RHBDD1: variants seen among roughly 807,000 people sequenced by gnomAD.
RHBDD1 encodes the protein rhomboid-related protein 4.
Under a neutral mutation model 36.3 loss-of-function variants are expected in RHBDD1, and 38 were observed. The ratio of observed to expected loss-of-function variants is 1.05; its 90% CI spans 0.81 to 1.37. The LOEUF (loss-of-function observed/expected upper bound fraction) is 1.37. Ranked by LOEUF, RHBDD1 falls within the 40% of genes most tolerant of loss-of-function variation. The probability of loss-of-function intolerance (pLI) is 0.00; values close to 1 mark genes in which losing one functional copy is unlikely to be tolerated. For synonymous variants in RHBDD1, 151 were observed against 136.5 expected (o/e 1.11, Z -0.74); for missense variants, 393 against 377.6 (o/e 1.04, Z -0.34).
chr2:226,813,596 C>A, the RHBDD1 span, among the ~76,000 whole-genome samples: 5 of 152,212 alleles, frequency 3.3e-5, no homozygotes, highest in Admixed American at 2.6e-4. Context: ...TTCCTTCACT[C>A]CGCTCTGTCA....
At chr2:226,958,961 C>T (rs527799484) in intron 8 of RHBDD1, among the ~76,000 whole-genome samples, 3 of 152,184 alleles carry the variant, frequency 2.0e-5, no homozygotes, top group Non-Finnish European at 2.9e-5. Context: ...CTCTGGTTAG[C>T]GCGATAAACC....
At chr2:226,969,339 G>A (rs1461160018) in intron 8 of RHBDD1, among the ~76,000 whole-genome samples, 1 of 147,730 alleles carries the variant, frequency 6.8e-6, no homozygotes, top group Non-Finnish European at 1.5e-5. Flanking sequence ...ATAAGTCTGT[G>A]CCCAACTGTC....
chr2:226,835,083 G>A (rs1293514785), upstream of RHBDD1, among the ~76,000 whole-genome samples: 9 of 151,980 alleles, frequency 5.9e-5, no homozygotes, highest in Non-Finnish European at 2.9e-5. Flanking sequence ...GCCTGTTGTT[G>A]TTTTTTAAAT....
chr2:226,913,853 C>G (rs753290035), intron 7 of RHBDD1, among the ~76,000 whole-genome samples: 1 of 152,176 alleles, frequency 6.6e-6, no homozygotes, highest in Admixed American at 6.5e-5. Context: ...TCTCTTGACT[C>G]AAGCCAGGAC....
At chr2:226,813,045 C>A in the RHBDD1 span, among the ~76,000 whole-genome samples, 214 of 152,300 alleles carry the variant, frequency 1.4e-3, 5 homozygotes, top group African/African-American at 5.1e-3. Context: ...CATCCTCTGG[C>A]TCCAAAGCCC....
intron 8 of RHBDD1, among the ~76,000 whole-genome samples, chr2:226,982,902 A>C (rs1168116435): frequency 6.6e-6 from 1 of 152,210 alleles, no homozygotes; most frequent in African/African-American, 2.4e-5. Flanking sequence ...ATAGAATTTT[A>C]ACTAACGATT....
intron 8 of RHBDD1, among the ~76,000 whole-genome samples, chr2:226,972,041 G>A (rs186015944): frequency 6.6e-5 from 10 of 151,896 alleles, no homozygotes; most frequent in African/African-American, 2.2e-4. Context: ...TAAGCCCCAC[G>A]TGCATTAGGT....
intron 5 of RHBDD1, among the ~76,000 whole-genome samples, chr2:226,895,082 G>A (rs538885283): frequency 6.6e-6 from 1 of 152,316 alleles, no homozygotes; most frequent in East Asian, 1.9e-4. Flanking sequence ...TCCATGAAGA[G>A]CCTAACAAAT....
chr2:226,804,722 T>G, the RHBDD1 span: 1 of 152,186 alleles, frequency 6.6e-6, no homozygotes, highest in Non-Finnish European at 1.5e-5. Context: ...AAGCATGAAA[T>G]AAACAGGTGG....
At chr2:226,879,622 A>G (rs1366660636) in intron 5 of RHBDD1, among the ~76,000 whole-genome samples, 2 of 152,240 alleles carry the variant, frequency 1.3e-5, no homozygotes, top group East Asian at 3.8e-4. Flanking sequence ...AAAATTTAAT[A>G]CATTTTCCCA....
At chr2:226,870,015 GT>G (rs1396157825) in intron 5 of RHBDD1, among the ~76,000 whole-genome samples, 1 of 152,184 alleles carries the variant, frequency 6.6e-6, no homozygotes, top group Non-Finnish European at 1.5e-5. Context: ...ACCTCTGTGT[GT>G]TCTCGTCTGA....
intron 8 of RHBDD1, among the ~76,000 whole-genome samples, chr2:226,957,120 A>G (rs1427393070): frequency 6.6e-6 from 1 of 152,248 alleles, no homozygotes; most frequent in Non-Finnish European, 1.5e-5. Flanking sequence ...GAAAGGTAGG[A>G]TGAAATTCAC....
chr2:226,958,273 A>G (rs970031356), intron 8 of RHBDD1, among the ~76,000 whole-genome samples: 1 of 152,252 alleles, frequency 6.6e-6, no homozygotes, highest in African/African-American at 2.4e-5. Context: ...AAAGGAGCCA[A>G]TGACACATGG....
chr2:226,952,126 A>G (rs1244422284), intron 8 of RHBDD1, among the ~76,000 whole-genome samples: 4 of 152,106 alleles, frequency 2.6e-5, no homozygotes, highest in East Asian at 3.9e-4. Flanking sequence ...GAATTGCTCT[A>G]TAAGCTCCCC....
the RHBDD1 span, among the ~76,000 whole-genome samples, chr2:226,828,842 C>G: frequency 6.6e-6 from 1 of 152,098 alleles, no homozygotes; most frequent in Non-Finnish European, 1.5e-5. Context: ...TTCTTCCAAT[C>G]TCTATCATGA....
intron 8 of RHBDD1, among the ~76,000 whole-genome samples, chr2:226,955,637 A>T (rs1388396448): frequency 6.6e-6 from 1 of 152,178 alleles, no homozygotes; most frequent in Non-Finnish European, 1.5e-5. Context: ...ACTATTCTGG[A>T]GGTTAGAAGT....
chr2:226,856,538 A>G (rs1404410535), intron 3 of RHBDD1, among the ~76,000 whole-genome samples: 1 of 152,214 alleles, frequency 6.6e-6, no homozygotes, highest in Non-Finnish European at 1.5e-5. Flanking sequence ...AGTAACAGTA[A>G]CAAGTGGAGC....
chr2:226,850,242 A>T (rs7603291), intron 3 of RHBDD1, among the ~76,000 whole-genome samples: 1 of 152,154 alleles, frequency 6.6e-6, no homozygotes, highest in Non-Finnish European at 1.5e-5. Context: ...CTAGTCAGCC[A>T]TCTTAACCAC....
At position 226,908,859 on chromosome 2, in the gene RHBDD1, A is replaced by G. The variant is rs1233773875; in HGVS notation, c.693A>G (p.Gln231=). 1.5e-5 allele frequency: 24 copies of G among 1,603,912 alleles called. No homozygotes were observed. Among genetic ancestry groups the G allele is most frequent in the Non-Finnish European group, 1.8e-5 (21 of 1,170,708 alleles). Residue 231 remains glutamine (Q), a synonymous_variant, in exon 7 of 9, where the codon CAA becomes CAG. Coordinates refer to ENST00000392062, the MANE Select transcript of RHBDD1 (RefSeq NM_001167608.3). The part of the protein sequence containing the change: ...FSSSVGYPGR[Q]YYFNSSGSSG... ...CCAGTGTTGGTTACCCAGGACGGCA[A>G]TACTACTTTAATAGTTCAGGTAGGC...
Sources: allele counts gnomAD v4.1 joint callset (sites outside exome capture counted in the v4.1 genomes callset), GRCh38; gene constraint gnomAD v4.1.1; transcripts MANE v1.5; gene names NCBI Gene and HGNC (gene_info 2026-07-23, HGNC 2026-07-21).